Variants in TP53BP2 observed in about 807,000 individuals in gnomAD.
TP53BP2 encodes the protein tumor protein p53 binding protein 2, also known as apoptosis-stimulating of p53 protein 2.
A neutral mutation model predicts 126.2 loss-of-function variants in TP53BP2; 62 were observed. The ratio of observed to expected loss-of-function variants is 0.49; its 90% CI spans 0.40 to 0.61. The LOEUF (loss-of-function observed/expected upper bound fraction) is 0.61. Ranked by LOEUF, TP53BP2 falls within the 20% of genes least tolerant of loss-of-function variation. The probability of loss-of-function intolerance (pLI) is 0.00; values close to 1 mark genes in which losing one functional copy is unlikely to be tolerated. For synonymous variants in TP53BP2, 485 were observed against 502.9 expected, an observed-to-expected ratio of 0.96 and a Z score of 0.48; for missense variants, 1,215 against 1,402.8, an observed-to-expected ratio of 0.87 and a Z score of 2.14.
intron 1 of TP53BP2, among the ~76,000 whole-genome samples, chr1:223,831,496 T>TA (rs1663729326): frequency 1.8e-5 from 2 of 114,098 alleles, no homozygotes; most frequent in East Asian, 4.8e-4. Flanking sequence ...TATATATATA[T>TA]ATATATATAT....
chr1:223,790,921 A>G (rs1359219944), intron 15 of TP53BP2, among the ~76,000 whole-genome samples: 1 of 152,152 alleles, frequency 6.6e-6, no homozygotes. Flanking sequence ...CTATTATTAA[A>G]TAGTTTGGCA....
At chr1:223,794,866 T>C (rs1356326321) in intron 13 of TP53BP2, among the ~76,000 whole-genome samples, 2 of 152,218 alleles carry the variant, frequency 1.3e-5, no homozygotes, top group Non-Finnish European at 2.9e-5. Context: ...CTGTGGACAA[T>C]TATTATCTTT....
chr1:223,814,337 A>T lies in TP53BP2; in HGVS notation c.192T>A (p.Asp64Glu). 1 of 1,613,316 alleles carries T rather than the reference A, an allele frequency of 6.2e-7. No individual in the cohort carries two copies. The highest frequency in any genetic ancestry group is 8.5e-7 in the Non-Finnish European group (1 of 1,179,286). Residue 64 changes from aspartate (D) to glutamate (E), a missense_variant, in exon 3 of 18, where the codon GAT (aspartate) becomes GAA (glutamate). Physicochemically the swap from Asp to Glu is conservative, Grantham distance 45 (BLOSUM62 2). Transcript: ENST00000343537. ...VWCGSERPVADNERMFDVLQR... is the reference protein window; with the variant it reads ...VWCGSERPVAENERMFDVLQR... Reference sequence around the variant, plus strand: ...GAAGAACATCAAACATTCGCTCATTATCCGCAACTGGACGTTCTAAAGCAA... The same window carrying T: ...GAAGAACATCAAACATTCGCTCATTTTCCGCAACTGGACGTTCTAAAGCAA...
rs765874248 is a variant in TP53BP2, at chr1:223,804,208, G to A, written c.615C>T (p.His205=). Residue 205 remains histidine (H), a synonymous_variant, in exon 6 of 18, where the codon CAC becomes CAT. Coordinates refer to ENST00000343537, the MANE Select transcript of TP53BP2 (RefSeq NM_001031685.3). ...CATTGCTTAGTCTCTTCTGTTCCAC[G>A]TGGCCTTTAAGTGCTCTCACTTTTT... is the stretch of plus-strand genomic sequence containing the variant. ...KLKKVRALKG[H]VEQKRLSNGK... The A allele has an allele frequency of 3.3e-5, 54 of 1,613,572 alleles. No homozygotes were observed. The highest frequency in any genetic ancestry group is 8.9e-5 in the East Asian group (4 of 44,884).
chr1:223,819,014 T>C (rs1187403488), intron 2 of TP53BP2, among the ~76,000 whole-genome samples: 1 of 151,314 alleles, frequency 6.6e-6, no homozygotes, highest in Non-Finnish European at 1.5e-5. Flanking sequence ...AGAAAGCCCG[T>C]CTCTACTAAA....
intron 16 of TP53BP2, among the ~76,000 whole-genome samples, chr1:223,788,048 G>A (rs1411905197): frequency 6.6e-6 from 1 of 151,496 alleles, no homozygotes; most frequent in East Asian, 1.9e-4. Context: ...CAGCCTGGGT[G>A]ACAGAGTGAG....
chr1:223,803,342 C>G lies in TP53BP2; in HGVS notation c.760G>C (p.Gly254Arg). Reference protein sequence around the residue: ...LTRQLEMLKNGRIDSHHDNQS... With the variant: ...LTRQLEMLKNRRIDSHHDNQS... ...TTGTCATGGTGGCTGTCGATCCTGC[C>G]GTTCTTGAGCATCTCTAGCTGCCTG... Residue 254 changes from glycine (G) to arginine (R), a missense_variant, in exon 7 of 18, where the codon GGC (glycine) becomes CGC (arginine). By Grantham distance (125) the Gly-to-Arg change is moderately radical. Transcript: ENST00000343537. 1.2e-6 allele frequency: 2 copies of G among 1,613,918 alleles called. No individual in the cohort carries two copies. The highest frequency in any genetic ancestry group is 1.7e-6 in the Non-Finnish European group (2 of 1,179,910).
chr1:223,788,065 C>G (rs1471412295), intron 16 of TP53BP2, among the ~76,000 whole-genome samples: 1 of 141,468 alleles, frequency 7.1e-6, no homozygotes, highest in Non-Finnish European at 1.5e-5. Flanking sequence ...TGAGACCTCG[C>G]CTCTAAAAAA....
At chr1:223,810,105 C>G (rs2102861774) in intron 4 of TP53BP2, among the ~76,000 whole-genome samples, 1 of 152,252 alleles carries the variant, frequency 6.6e-6, no homozygotes, top group South Asian at 2.1e-4. Flanking sequence ...GGATAACAGG[C>G]GTGAGCCACT....
At position 223,780,903 on chromosome 1, in the gene TP53BP2, G is replaced by C. The variant is rs1442883432; in HGVS notation, c.3364-9C>G. Reference sequence around the variant, plus strand: ...TTAATTCTTGGGTACAGCTGCAAGAGAGTTTAAAAAATTTTACATACTATA... The same window carrying C: ...TTAATTCTTGGGTACAGCTGCAAGACAGTTTAAAAAATTTTACATACTATA... On this transcript the variant is annotated splice_polypyrimidine_tract_variant and intron_variant, in intron 17 of 17. Transcript: ENST00000343537. 2.7e-5 allele frequency: 44 copies of C among 1,612,518 alleles called. No individual in the cohort carries two copies. Among genetic ancestry groups the C allele is most frequent in the Non-Finnish European group, 3.7e-5 (44 of 1,179,564 alleles).
chr1:223,831,476 A>ATATATATAT (rs1553263434), intron 1 of TP53BP2, among the ~76,000 whole-genome samples: 3 of 50,224 alleles, frequency 6.0e-5, no homozygotes, highest in Non-Finnish European at 1.1e-4. Context: ...TAAAAAAAAA[A>ATATATATAT]AAAAATATAT....
Position 223,796,423 on chromosome 1 carries a change from T to A in TP53BP2, c.2116A>T (p.Thr706Ser), listed in dbSNP as rs772479924. ...NERIPRPLSPTKLLPFLSNPY... is the reference protein window; with the variant it reads ...NERIPRPLSPSKLLPFLSNPY... ...TTAGATAAGAAAGGCAGTAATTTAG[T>A]TGGGCTGAGTGGCCGAGGAATTCTT... is the stretch of plus-strand genomic sequence containing the variant. The change falls in exon 13 of 18, where the codon ACT (threonine) becomes TCT (serine). Residue 706 changes from threonine (T) to serine (S), a missense_variant. Coordinates refer to ENST00000343537, the MANE Select transcript of TP53BP2 (RefSeq NM_001031685.3). The surrounding 1 kb of genome is among the most constrained non-coding windows in gnomAD (Gnocchi z 4.2). 1.1e-5 allele frequency: 18 copies of A among 1,614,060 alleles called. No homozygotes were observed. Among genetic ancestry groups the A allele is most frequent in the Non-Finnish European group, 1.5e-5 (18 of 1,180,024 alleles).
Position 223,784,166 on chromosome 1 carries a change from C to G in TP53BP2, c.3312G>C (p.Trp1104Cys), listed in dbSNP as rs943714292. 2 of 1,614,034 alleles carry G rather than the reference C, an allele frequency of 1.2e-6. No individual in the cohort carries two copies. The part of the protein sequence containing the change: ...HREDEDEIEW[W>C]WARLNDKEGY... ...CCTCCTTATCATTAAGGCGCGCCCA[C>G]CACCATTCGATTTCATCTTCGTCTT... The change falls in exon 17 of 18, where the codon TGG becomes TGC. Residue 1104 changes from tryptophan (W) to cysteine (C), a missense_variant. Physicochemically the swap from Trp to Cys is radical, Grantham distance 215. Transcript: ENST00000343537.
intron 5 of TP53BP2, among the ~76,000 whole-genome samples, chr1:223,805,714 G>A (rs188395206): frequency 1.2e-3 from 189 of 152,276 alleles, no homozygotes; most frequent in African/African-American, 4.4e-3. Context: ...AATCACTAAA[G>A]GACTGTTAGT....
At chr1:223,823,681 C>T (rs569349337) in intron 1 of TP53BP2, among the ~76,000 whole-genome samples, 3 of 152,310 alleles carry the variant, frequency 2.0e-5, no homozygotes, top group African/African-American at 7.2e-5. Context: ...TTGACTAAAT[C>T]ATTGAAAAAA....
At chr1:223,833,008 T>G (rs1663793557) in intron 1 of TP53BP2, among the ~76,000 whole-genome samples, 1 of 152,148 alleles carries the variant, frequency 6.6e-6, no homozygotes, top group Non-Finnish European at 1.5e-5. Flanking sequence ...AAAGAGACAC[T>G]CTCTACCTCC....
At chr1:223,789,988 G>A (rs1193782257) in intron 15 of TP53BP2, among the ~76,000 whole-genome samples, 1 of 151,310 alleles carries the variant, frequency 6.6e-6, no homozygotes, top group African/African-American at 2.4e-5. Context: ...ATACAGACTT[G>A]AAAAAAAAAT....
In TP53BP2 at chr1:223,802,250, C is replaced by T. The variant is rs753187934; in HGVS notation, c.1091G>A (p.Arg364Gln). The T allele has an allele frequency of 4.8e-5, 78 of 1,614,034 alleles. No homozygotes were observed. The highest frequency in any genetic ancestry group is 9.3e-5 in the African/African-American group (7 of 74,904). ...CAGCAATTCAGGCCTTGAGGGCATC[C>T]GAGGCATAGTAGACGACTGGATATA... ...GPYIQSSTMP[R>Q]MPSRPELLVK... Residue 364 changes from arginine (R) to glutamine (Q), a missense_variant, in exon 9 of 18, where the codon CGG (arginine) becomes CAG (glutamine). This residue lies in a region of TP53BP2 where 814 missense variants were observed against 853.0 expected (regional missense o/e 0.95). Coordinates refer to ENST00000343537, the MANE Select transcript of TP53BP2 (RefSeq NM_001031685.3).
intron 2 of TP53BP2, among the ~76,000 whole-genome samples, chr1:223,815,984 T>G (rs576982202): frequency 6.6e-6 from 1 of 152,312 alleles, no homozygotes; most frequent in South Asian, 2.1e-4. Flanking sequence ...AATCACCTAA[T>G]GACAAATTTC....
Sources: allele counts gnomAD v4.1 joint callset (sites outside exome capture counted in the v4.1 genomes callset), GRCh38; gene constraint gnomAD v4.1.1; regional missense constraint gnomAD v4.1.1; non-coding constraint Gnocchi (gnomAD v3.1); transcripts MANE v1.5; gene names NCBI Gene and HGNC (gene_info 2026-07-23, HGNC 2026-07-21).